Variants in LAMA5 observed in about 807,000 individuals in gnomAD.
LAMA5 encodes laminin subunit alpha-5.
In LAMA5, 260 loss-of-function variants were observed where a neutral mutation model predicts 433.4. The ratio of observed to expected loss-of-function variants is 0.60; its 90% CI spans 0.54 to 0.66. The LOEUF (loss-of-function observed/expected upper bound fraction) is 0.66, where lower values mean the gene tolerates loss of function less well. LAMA5 is among the 30% of genes least tolerant of loss of function. LAMA5 has a pLI of 0.00. For missense variants in LAMA5, 5,378 were observed against 5,258.5 expected (o/e 1.02, Z -0.70); for synonymous variants, 2,620 against 2,226.6 (o/e 1.18, Z -4.97).
rs551190646 is a variant in LAMA5, at chr20:62,319,429, C to T, written c.6871+255G>A. 3.0e-4 allele frequency among the ~76,000 whole-genome samples: 46 copies of T among 152,220 alleles called. No homozygotes were observed. The Middle Eastern group carries it at 0.01, about 34-fold the overall frequency. On this transcript the variant is annotated intron_variant, in intron 51 of 79. Coordinates refer to ENST00000252999, the MANE Select transcript of LAMA5 (RefSeq NM_005560.6). The stretch of plus-strand genomic sequence containing the variant: ...GTGTGCACTACGGGATATCTGTGAG[C>T]GCGAACATCTAACCGGCACATTTCC...
intron 2 of LAMA5, chr20:62,356,620 A>C (rs754771185): frequency 8.6e-5 from 13 of 151,218 alleles, no homozygotes; most frequent in African/African-American, 3.2e-4. Context: ...TTCCCAGAGG[A>C]GGCCTCTGCC....
chr20:62,333,641 G>C lies in LAMA5; in HGVS notation c.2944C>G (p.Gln982Glu). ...ACAAAGGGCTCTCCGAAGCCCCTCT[G>C]GGGCACGGTGATGAAGGCAGGCTCC... ...STEPAFITVP[Q>E]RGFGEPFVLN... The change falls in exon 24 of 80, where the codon CAG becomes GAG. Residue 982 changes from glutamine to glutamate, a missense_variant. By Grantham distance (29) the Gln-to-Glu change is conservative (BLOSUM62 2). Coordinates refer to ENST00000252999, the MANE Select transcript of LAMA5 (RefSeq NM_005560.6). 2.5e-6 allele frequency: 4 copies of C among 1,590,208 alleles called. No individual in the cohort carries two copies. Among genetic ancestry groups the C allele is most frequent in the Non-Finnish European group, 3.4e-6 (4 of 1,169,734 alleles).
chr20:62,351,258 C>G (rs553861631), intron 6 of LAMA5: 1 of 227,400 alleles, frequency 4.4e-6, no homozygotes, highest in South Asian at 7.9e-5. Context: ...GTTGGGGGAG[C>G]TGGGCGGGCA....
At chr20:62,314,272 G>C (rs1334145960) in intron 62 of LAMA5, 32 bp downstream of exon 62, 1 of 1,605,068 alleles carries the variant, frequency 6.2e-7, no homozygotes, top group Non-Finnish European at 8.5e-7. Context: ...CCTGCAGTTG[G>C]AGGCATCCGG....
At chr20:62,325,935 C>T (rs1047518020) in intron 40 of LAMA5, among the ~76,000 whole-genome samples, 2 of 152,188 alleles carry the variant, frequency 1.3e-5, no homozygotes, top group East Asian at 1.9e-4. Context: ...CAGAAGACAG[C>T]TCAGGCTGGG....
At position 62,317,645 on chromosome 20, in the gene LAMA5, C is replaced by T; in HGVS notation, c.7356+17G>A. On this transcript the variant is annotated intron_variant, in intron 54 of 79. Transcript: ENST00000252999. ...GCCGTGGATGGGGTGGCGACAGGGG[C>T]CAGGGGCTGCACTCACCTCCTTAGC... is the stretch of plus-strand genomic sequence containing the variant. 6.5e-7 allele frequency: 1 copy of T among 1,543,212 alleles called. No individual in the cohort carries two copies. The highest frequency in any genetic ancestry group is 2.3e-5 in the East Asian group (1 of 43,016).
chr20:62,325,603 G>T lies in LAMA5; in HGVS notation c.5299-57C>A, dbSNP rs943392026. The T allele has an allele frequency of 4.1e-6, 5 of 1,209,454 alleles. No homozygotes were observed. In the Admixed American group the frequency reaches 8.2e-5, roughly 20 times the overall value. 74.9% of individuals were successfully genotyped at this position (1,209,454 alleles called of 1,614,324 possible). A position where few individuals can be genotyped will look rare whatever the true frequency, so the allele number is the denominator to read the frequency against. ...CACACTCAATGGGACAGAACAGGGA[G>T]CCTAGAACAGACCCCCCAACCCTGT... On this transcript the variant is annotated intron_variant, in intron 40 of 79. Transcript: ENST00000252999.
rs370862710 is a variant in LAMA5 at position 62,312,055 on chromosome 20, G to C, written c.9505-5C>G. On this transcript the variant is annotated splice_polypyrimidine_tract_variant and splice_region_variant and intron_variant, in intron 69 of 79. Coordinates refer to ENST00000252999, the MANE Select transcript of LAMA5 (RefSeq NM_005560.6). ...GGACACCTGGCATAGCCCATCCTGGGGACGGCAGCCAGGTCAGCCGGCCGG... is the reference window on the plus strand; with the variant it reads ...GGACACCTGGCATAGCCCATCCTGGCGACGGCAGCCAGGTCAGCCGGCCGG... 1.2e-6 allele frequency: 2 copies of C among 1,611,006 alleles called. No individual in the cohort carries two copies. Among genetic ancestry groups the C allele is most frequent in the African/African-American group, 2.7e-5 (2 of 74,912 alleles).
intron 11 of LAMA5, among the ~76,000 whole-genome samples, chr20:62,339,757 G>A (rs560279924): frequency 5.5e-5 from 8 of 146,610 alleles, no homozygotes; most frequent in African/African-American, 1.5e-4. Context: ...ATCAAAGCAC[G>A]TTTTCTTGCT....
intron 28 of LAMA5, among the ~76,000 whole-genome samples, chr20:62,331,728 G>A (rs563009815): frequency 1.3e-5 from 2 of 152,294 alleles, no homozygotes; most frequent in South Asian, 2.1e-4. Context: ...TGGGAGACGC[G>A]GCTGCACAGA....
Position 62,309,295 on chromosome 20 carries a change from C to G in LAMA5, c.*41G>C. The G allele has an allele frequency of 6.3e-7, 1 of 1,581,126 alleles. No individual in the cohort carries two copies. The highest frequency in any genetic ancestry group is 8.5e-7 in the Non-Finnish European group (1 of 1,170,686). On this transcript the variant is annotated 3_prime_UTR_variant, in exon 80 of 80. Transcript: ENST00000252999. ...GGCGAGCACAAGGGGCGGTGTGAGG[C>G]AGCTGCAGGGGCCTGACCAGGGGCC...
chr20:62,366,830 G>C, intron 1 of LAMA5, 119 bp downstream of exon 1: 1 of 1,215,440 alleles, frequency 8.2e-7, no homozygotes, highest in Non-Finnish European at 1.0e-6. Context: ...CCCAAAATGC[G>C]GAACCAGAGA....
chr20:62,364,201 C>T (rs1411338470), intron 1 of LAMA5, among the ~76,000 whole-genome samples: 1 of 152,188 alleles, frequency 6.6e-6, no homozygotes, highest in East Asian at 1.9e-4. Context: ...GATGGTGGCC[C>T]CCAAACTCAA....
chr20:62,360,863 G>A (rs769326693), intron 2 of LAMA5, among the ~76,000 whole-genome samples: 15 of 152,080 alleles, frequency 9.9e-5, no homozygotes, highest in African/African-American at 2.2e-4. Flanking sequence ...CATGTGCACC[G>A]AGGCCGAGAG....
Position 62,313,172 on chromosome 20 carries a change from G to A in LAMA5, c.8871C>T (p.Asp2957=), listed in dbSNP as rs1330317603. The A allele has an allele frequency of 3.1e-6, 5 of 1,594,204 alleles. No individual in the cohort carries two copies. Among genetic ancestry groups the A allele is most frequent in the Non-Finnish European group, 4.3e-6 (5 of 1,174,014 alleles). The change falls in exon 65 of 80, where the codon GAC becomes GAT. Residue 2957 remains aspartate (D), a synonymous_variant. Coordinates refer to ENST00000252999, the MANE Select transcript of LAMA5 (RefSeq NM_005560.6). ...AGCGCTTGGTGGTGCTGATCTGACT[G>A]TCGAAGCTGATGCGGGCGAAGCCGG... ...DGTGFARISF[D]SQISTTKRFE... is the part of the protein sequence containing the mutation.
At chr20:62,309,570 CTCATTCCACA>C (rs1985883634) in intron 79 of LAMA5, 95 bp from the exon 80 acceptor site, 3 of 729,938 alleles carry the variant, frequency 4.1e-6, no homozygotes, top group Non-Finnish European at 5.5e-6. Context: ...CAGCCCCTGT[CTCATTCCACA>C]TCATAGGAGG....
intron 2 of LAMA5, among the ~76,000 whole-genome samples, chr20:62,358,599 G>T (rs1306847463): frequency 6.6e-6 from 1 of 152,180 alleles, no homozygotes; most frequent in Admixed American, 6.5e-5. Flanking sequence ...AGGCAGCCTG[G>T]GCGCGCTGGG....
chr20:62,323,995 C>T, intron 43 of LAMA5, 85 bp downstream of exon 43: 1 of 1,429,622 alleles, frequency 7.0e-7, no homozygotes. Flanking sequence ...CAGGCCTCTG[C>T]AGAGGGCAGT....
In LAMA5 at chr20:62,339,764, T is replaced by G. The variant is rs146890481; in HGVS notation, c.1478-1156A>C. Among the ~76,000 whole-genome samples the G allele has an allele frequency of 5.7e-3, 865 of 151,966 alleles. 7 individuals are homozygous for G. The highest frequency in any genetic ancestry group is 0.02 in the African/African-American group (836 of 41,488). On this transcript the variant is annotated intron_variant, in intron 11 of 79. Coordinates refer to ENST00000252999, the MANE Select transcript of LAMA5 (RefSeq NM_005560.6). Reference sequence around the variant, plus strand: ...AAACCAAAATCAAAGCACGTTTTCTTGCTCTAACTTGTGAAAGTCAGGAAA... The same window carrying G: ...AAACCAAAATCAAAGCACGTTTTCTGGCTCTAACTTGTGAAAGTCAGGAAA...
Sources: gnomAD v4.1 joint callset for allele counts (sites outside exome capture counted in the v4.1 genomes callset) on GRCh38, gnomAD v4.1.1 for gene constraint, MANE v1.5 for transcripts, NCBI Gene and HGNC (gene_info 2026-07-23, HGNC 2026-07-21) for gene names.